Variants in IGF2R observed in about 807,000 individuals in gnomAD.
IGF2R encodes insulin like growth factor 2 receptor, also known as cation-independent mannose-6-phosphate receptor.
Under a neutral mutation model 270.6 loss-of-function variants are expected in IGF2R, and 91 were observed. That is an observed-to-expected ratio of 0.34 (90% CI 0.28 to 0.40). The LOEUF (loss-of-function observed/expected upper bound fraction) is 0.40, where lower values mean the gene tolerates loss of function less well. Among genes scored for constraint, IGF2R ranks in the 10% least tolerant of loss-of-function variants. IGF2R has a pLI of 1.00. For synonymous variants in IGF2R, 1,316 were observed against 1,258.9 expected (o/e 1.05, Z -0.96); for missense variants, 2,805 against 3,188.3 (o/e 0.88, Z 2.90).
At position 160,071,954 on chromosome 6, in the gene IGF2R, C is replaced by T; in HGVS notation, c.4488C>T (p.Tyr1496=). 6.2e-7 allele frequency: 1 copy of T among 1,614,164 alleles called. No individual in the cohort carries two copies. Among genetic ancestry groups the T allele is most frequent in the Non-Finnish European group, 8.5e-7 (1 of 1,180,008 alleles). ...MFISAVEDCE[Y]TFAWPTATAC... ...TCAGCGCCGTGGAGGACTGTGAGTACACCTTTGCCTGGCCCACAGCCACAG... is the reference window on the plus strand; with the variant it reads ...TCAGCGCCGTGGAGGACTGTGAGTATACCTTTGCCTGGCCCACAGCCACAG... The change falls in exon 32 of 48, where the codon TAC becomes TAT. Residue 1496 remains tyrosine (Y), a synonymous_variant. Transcript: ENST00000356956.
At position 160,089,110 on chromosome 6, in the gene IGF2R, T is replaced by G. The variant is rs1779160895; in HGVS notation, c.6324T>G (p.Phe2108Leu). The change falls in exon 43 of 48, where the codon TTT becomes TTG. Residue 2108 changes from phenylalanine to leucine, a missense_variant. Phe to Leu is a conservative substitution (Grantham distance 22, BLOSUM62 0). Transcript: ENST00000356956. ...GCCTGTGCTTCCCTCCTCCTAGGTT[T>G]GATATCGACAGCTGCACTTACTACT... ...KTVGRPAFKR[F>L]DIDSCTYYFS... is the part of the protein sequence containing the mutation. The G allele has an allele frequency of 6.2e-7, 1 of 1,612,620 alleles. No homozygotes were observed.
At chr6:159,973,246 G>A (rs1287200648) in intron 1 of IGF2R, among the ~76,000 whole-genome samples, 1 of 152,150 alleles carries the variant, frequency 6.6e-6, no homozygotes, top group Non-Finnish European at 1.5e-5. Flanking sequence ...ATTACCATAT[G>A]CTTTAAACTT....
Position 160,089,957 on chromosome 6 carries a change from A to C in IGF2R, c.6509A>C (p.Asn2170Thr). 1 of 1,605,780 alleles carries C rather than the reference A, an allele frequency of 6.2e-7. No homozygotes were observed. The highest frequency in any genetic ancestry group is 1.1e-5 in the South Asian group (1 of 89,264). The change falls in exon 44 of 48, where the codon AAC becomes ACC. Residue 2170 changes from asparagine to threonine, a missense_variant. Physicochemically the swap from Asn to Thr is moderately conservative, Grantham distance 65 (BLOSUM62 0). Coordinates refer to ENST00000356956, the MANE Select transcript of IGF2R (RefSeq NM_000876.4). ...GGGGACATGAGGACCAATGGGGACAACTACCTGTATGAGATCCAACTTTCC... is the reference window on the plus strand; with the variant it reads ...GGGGACATGAGGACCAATGGGGACACCTACCTGTATGAGATCCAACTTTCC... Reference protein sequence around the residue: ...ASGDMRTNGDNYLYEIQLSSI... With the variant: ...ASGDMRTNGDTYLYEIQLSSI...
rs1254805863 is a variant in IGF2R, at chr6:160,075,917, G to A, written c.5237G>A (p.Ser1746Asn). 2 of 1,614,100 alleles carry A rather than the reference G, an allele frequency of 1.2e-6. No homozygotes were observed. The highest frequency in any genetic ancestry group is 1.7e-6 in the Non-Finnish European group (2 of 1,179,934). The change falls in exon 36 of 48, where the codon AGC (serine) becomes AAC (asparagine). Residue 1746 changes from serine (S) to asparagine (N), a missense_variant. Physicochemically the swap from Ser to Asn is conservative, Grantham distance 46. This residue lies in a region of IGF2R where 1,851 missense variants were observed against 2,207.2 expected (regional missense o/e 0.84). Coordinates refer to ENST00000356956, the MANE Select transcript of IGF2R (RefSeq NM_000876.4). ...IANEIYLNFE[S>N]STPCLADKHF... is the part of the protein sequence containing the mutation. ...AATGAGATTTACTTGAATTTTGAAA[G>A]CAGTACTCCTTGCTTAGCGGACAAG...
chr6:159,999,202 C>G (rs143202534), intron 2 of IGF2R, among the ~76,000 whole-genome samples: 513 of 152,276 alleles, frequency 3.4e-3, no homozygotes, highest in Non-Finnish European at 5.4e-3. Context: ...AGGGGTGGTT[C>G]AGAAGGAATG....
intron 10 of IGF2R, among the ~76,000 whole-genome samples, chr6:160,037,616 G>A (rs557376991): frequency 6.6e-6 from 1 of 152,144 alleles, no homozygotes; most frequent in Non-Finnish European, 1.5e-5. Flanking sequence ...TTTAAATCTA[G>A]TTTGTTGTAA....
In IGF2R at chr6:160,061,647, G is replaced by A. The variant is rs769234257; in HGVS notation, c.3406+1G>A. The A allele has an allele frequency of 6.2e-7, 1 of 1,614,154 alleles. No individual in the cohort carries two copies. Among genetic ancestry groups the A allele is most frequent in the Non-Finnish European group, 8.5e-7 (1 of 1,180,028 alleles). ...CTCCCTTACATTCCTGGATGCCAGG[G>A]TGAGTTCTCCTTGGTCTCTTGATTG... On this transcript the variant is annotated splice_donor_variant, in intron 24 of 47. Transcript: ENST00000356956. LOFTEE classifies it high-confidence loss of function.
intron 42 of IGF2R, 123 bp downstream of exon 42, chr6:160,088,270 T>C: frequency 4.3e-6 from 3 of 692,862 alleles, no homozygotes; most frequent in Non-Finnish European, 7.9e-6. Flanking sequence ...AGCCGCTGAT[T>C]GTGCTGTATT....
At chr6:160,062,256 C>T (rs1420709096) in intron 25 of IGF2R, among the ~76,000 whole-genome samples, 3 of 149,270 alleles carry the variant, frequency 2.0e-5, no homozygotes, top group Non-Finnish European at 4.4e-5. Flanking sequence ...TCACTGCAAC[C>T]TCCGCCCCCC....
At chr6:159,979,416 C>T (rs1019398582) in intron 1 of IGF2R, among the ~76,000 whole-genome samples, 2 of 152,180 alleles carry the variant, frequency 1.3e-5, no homozygotes, top group Admixed American at 6.5e-5. Context: ...GGCACCCTGC[C>T]TCCACCTGCT....
chr6:160,076,376 GAAGTTAAC>G (rs1400778683), intron 36 of IGF2R, among the ~76,000 whole-genome samples: 1 of 152,250 alleles, frequency 6.6e-6, no homozygotes, highest in African/African-American at 2.4e-5. Flanking sequence ...ACATAGCCCA[GAAGTTAAC>G]AAGTAACAAA....
intron 2 of IGF2R, among the ~76,000 whole-genome samples, chr6:160,000,033 G>T (rs577473377): frequency 6.6e-6 from 1 of 152,290 alleles, no homozygotes; most frequent in Non-Finnish European, 1.5e-5. Flanking sequence ...ATTAGGATGA[G>T]AGCTTTTCTT....
intron 29 of IGF2R, among the ~76,000 whole-genome samples, chr6:160,066,847 C>T (rs1778595691): frequency 6.6e-6 from 1 of 152,192 alleles, no homozygotes; most frequent in South Asian, 2.1e-4. Flanking sequence ...TCACTAAGCT[C>T]TGTTCTTGTC....
At chr6:159,971,589 G>A (rs1783609399) in intron 1 of IGF2R, among the ~76,000 whole-genome samples, 1 of 152,118 alleles carries the variant, frequency 6.6e-6, no homozygotes, top group Non-Finnish European at 1.5e-5. Flanking sequence ...GACTTCTCCA[G>A]AACCACTTGC....
chr6:160,064,746 A>C, intron 28 of IGF2R, 58 bp from the exon 29 acceptor site: 2 of 1,276,110 alleles, frequency 1.6e-6, no homozygotes, highest in Non-Finnish European at 2.3e-6. Context: ...TAAAACTCAA[A>C]GTATAAACTA....
intron 38 of IGF2R, 135 bp from the exon 39 acceptor site, chr6:160,079,994 T>G: frequency 8.7e-7 from 1 of 1,153,944 alleles, no homozygotes; most frequent in Non-Finnish European, 1.2e-6. Context: ...CCTGGTGAGT[T>G]TTGGCAGGTG....
chr6:160,063,487 C>T lies in IGF2R; in HGVS notation c.3743C>T (p.Thr1248Ile). Reference sequence around the variant, plus strand: ...CTGAAGCCCCTGGGCCTCAACGACACCATCGTGAGCGCTGGCGAATACACT... The same window carrying T: ...CTGAAGCCCCTGGGCCTCAACGACATCATCGTGAGCGCTGGCGAATACACT... ...YDLKPLGLND[T>I]IVSAGEYTYY... The change falls in exon 27 of 48, where the codon ACC becomes ATC. Residue 1248 changes from threonine (T) to isoleucine (I), a missense_variant. Physicochemically the swap from Thr to Ile is moderately conservative, Grantham distance 89. Around this residue, in one of 2 missense-constraint regions of IGF2R, gnomAD observed 1,851 missense variants for 2,207.2 expected, o/e 0.84. Coordinates refer to ENST00000356956, the MANE Select transcript of IGF2R (RefSeq NM_000876.4). The T allele has an allele frequency of 6.2e-6, 10 of 1,613,838 alleles. No homozygotes were observed. Among genetic ancestry groups the T allele is most frequent in the Non-Finnish European group, 7.6e-6 (9 of 1,180,036 alleles).
chr6:160,051,221 C>T (rs574250095), intron 19 of IGF2R, among the ~76,000 whole-genome samples: 6 of 152,106 alleles, frequency 3.9e-5, no homozygotes, highest in Non-Finnish European at 8.8e-5. Context: ...GTTCTTTTGA[C>T]GGGGCAGCAA....
At position 160,103,832 on chromosome 6, in the gene IGF2R, A is replaced by T. The variant is rs781575167; in HGVS notation, c.7065+17A>T. ...TACTCAAAGGTAATTTTCTGTGGCG[A>T]GTCTCTTGAAGGCCTGCCTCCCCGG... is the stretch of plus-strand genomic sequence containing the variant. On this transcript the variant is annotated intron_variant, in intron 47 of 47. Transcript: ENST00000356956. 1.3e-6 allele frequency: 2 copies of T among 1,559,476 alleles called. No homozygotes were observed. Among genetic ancestry groups the T allele is most frequent in the Admixed American group, 3.3e-5 (2 of 59,944 alleles).
Sources: gnomAD v4.1 joint callset for allele counts (sites outside exome capture counted in the v4.1 genomes callset) on GRCh38, gnomAD v4.1.1 for gene constraint, gnomAD v4.1.1 regional missense constraint, MANE v1.5 for transcripts, NCBI Gene and HGNC (gene_info 2026-07-23, HGNC 2026-07-21) for gene names.